Variants in SUFU observed in about 807,000 individuals in gnomAD.
The protein encoded by SUFU is suppressor of fused homolog.
In SUFU, 7 loss-of-function variants were observed where a neutral mutation model predicts 58.9. The ratio of observed to expected loss-of-function variants is 0.12; its 90% CI spans 0.07 to 0.22. SUFU has a LOEUF of 0.22. Among genes scored for constraint, SUFU ranks in the 10% least tolerant of loss-of-function variants. The pLI is 1.00. For missense variants in SUFU, 451 were observed against 641.3 expected (o/e 0.70, Z 3.20); for synonymous variants, 232 against 254.8 (o/e 0.91, Z 0.85).
In SUFU at chr10:102,513,787, A is replaced by G. The variant is rs566144639; in HGVS notation, c.317+4484A>G. Among the ~76,000 whole-genome samples the G allele has an allele frequency of 2.6e-5, 4 of 152,350 alleles. No homozygotes were observed. In the South Asian group the frequency reaches 8.3e-4, roughly 32 times the overall value. ...AAAACCTTCTAGCTCAGTATTTCAA[A>G]AACTTCTAGTGCCACTTTCATAATT... On this transcript the variant is annotated intron_variant, in intron 2 of 11. Transcript: ENST00000369902.
At chr10:102,541,142 C>T (rs574887979) in intron 2 of SUFU, among the ~76,000 whole-genome samples, 17 of 152,144 alleles carry the variant, frequency 1.1e-4, no homozygotes, top group Admixed American at 9.2e-4. Flanking sequence ...GCATTTTCTC[C>T]CTCCTCATTG....
Position 102,629,928 on chromosome 10 carries a change from A to T in SUFU, c.1366-138A>T. The T allele has an allele frequency of 1.2e-6, 1 of 831,156 alleles. No individual in the cohort carries two copies. Among genetic ancestry groups the T allele is most frequent in the Non-Finnish European group, 2.1e-6 (1 of 471,140 alleles). 51.5% of individuals were successfully genotyped at this position (831,156 alleles called of 1,614,324 possible). ...GCCCAGCCTGCCACCTGGGTCTAGCATTTGAGAATGAAGCCACGCCTCCCG... is the reference window on the plus strand; with the variant it reads ...GCCCAGCCTGCCACCTGGGTCTAGCTTTTGAGAATGAAGCCACGCCTCCCG... On this transcript the variant is annotated intron_variant, in intron 11 of 11. Coordinates refer to ENST00000369902, the MANE Select transcript of SUFU (RefSeq NM_016169.4). This position sits in a 1 kb window ranked among gnomAD's most constrained non-coding sequence, Gnocchi z 4.7.
chr10:102,549,469 T>G (rs1339947653), intron 2 of SUFU, among the ~76,000 whole-genome samples: 4 of 152,166 alleles, frequency 2.6e-5, no homozygotes, highest in Non-Finnish European at 5.9e-5. Context: ...GTTCCTCCCT[T>G]TACACGTGGA....
At chr10:102,509,331 C>T in intron 2 of SUFU, 28 bp downstream of exon 2, 2 of 1,612,746 alleles carry the variant, frequency 1.2e-6, no homozygotes, top group Non-Finnish European at 1.7e-6. Flanking sequence ...GTTCTTTATC[C>T]AGAGCCTTAT....
chr10:102,534,649 G>A (rs754842645), intron 2 of SUFU, among the ~76,000 whole-genome samples: 1 of 152,248 alleles, frequency 6.6e-6, no homozygotes, highest in Non-Finnish European at 1.5e-5. Context: ...GCTTGGGCCA[G>A]CACTGAAGGT....
At chr10:102,608,876 C>G (rs1212136866) in intron 8 of SUFU, among the ~76,000 whole-genome samples, 1 of 152,206 alleles carries the variant, frequency 6.6e-6, no homozygotes, top group African/African-American at 2.4e-5. Context: ...CATATTCCAT[C>G]CACCTTTGCC....
At chr10:102,555,321 CTTT>C (rs201258969) in intron 3 of SUFU, among the ~76,000 whole-genome samples, 3 of 124,084 alleles carry the variant, frequency 2.4e-5, no homozygotes, top group Admixed American at 8.1e-5. Context: ...ACACCTTGGT[CTTT>C]TTTTTTTTTT....
At chr10:102,523,832 C>A (rs2135674195) in intron 2 of SUFU, among the ~76,000 whole-genome samples, 1 of 152,374 alleles carries the variant, frequency 6.6e-6, no homozygotes, top group East Asian at 1.9e-4. Flanking sequence ...GGCTTCATGT[C>A]TCACTTGAGT....
In SUFU at chr10:102,619,697, C is replaced by T. The variant is rs969926663; in HGVS notation, c.1296+2269C>T. ...AGCCCTCCTCCCCCTGCCAGGCAGTCAGCACTTTCTCCCTCTGACTGCCAG... is the reference window on the plus strand; with the variant it reads ...AGCCCTCCTCCCCCTGCCAGGCAGTTAGCACTTTCTCCCTCTGACTGCCAG... On this transcript the variant is annotated intron_variant, in intron 10 of 11. Coordinates refer to ENST00000369902, the MANE Select transcript of SUFU (RefSeq NM_016169.4). The surrounding 1 kb of genome is among the most constrained non-coding windows in gnomAD (Gnocchi z 4.2). Among the ~76,000 whole-genome samples, 1 of 152,210 alleles carries T rather than the reference C, an allele frequency of 6.6e-6. No individual in the cohort carries two copies. The highest frequency in any genetic ancestry group is 1.5e-5 in the Non-Finnish European group (1 of 68,026).
Position 102,629,916 on chromosome 10 carries a change from C to T in SUFU, c.1366-150C>T, listed in dbSNP as rs894920003. 45 of 792,468 alleles carry T rather than the reference C, an allele frequency of 5.7e-5. 1 individual carries two copies. The South Asian group carries it at 6.1e-4, about 11-fold the overall frequency. The allele number at this position is 792,468 out of a possible 1,614,324, so 49.1% of individuals were successfully genotyped here. On this transcript the variant is annotated intron_variant, in intron 11 of 11. Transcript: ENST00000369902. This position sits in a 1 kb window ranked among gnomAD's most constrained non-coding sequence, Gnocchi z 4.7. ...CCAGCCGTTTGAGCCCAGCCTGCCA[C>T]CTGGGTCTAGCATTTGAGAATGAAG...
At chr10:102,612,210 C>T (rs1225676258) in intron 8 of SUFU, among the ~76,000 whole-genome samples, 4 of 90,430 alleles carry the variant, frequency 4.4e-5, no homozygotes, top group Non-Finnish European at 9.3e-5. Context: ...TGTGTGTGTG[C>T]ACGCGCATGT....
chr10:102,615,124 T>C lies in SUFU; in HGVS notation c.1023-144T>C, dbSNP rs1054788564. 9.6e-6 allele frequency: 12 copies of C among 1,250,100 alleles called. No individual in the cohort carries two copies. The African/African-American group carries it at 1.6e-4, about 17-fold the overall frequency. 77.4% of individuals were successfully genotyped at this position (1,250,100 alleles called of 1,614,324 possible). On this transcript the variant is annotated intron_variant, in intron 8 of 11. Coordinates refer to ENST00000369902, the MANE Select transcript of SUFU (RefSeq NM_016169.4). ...TGCAGTGGCTGGCGCTCGCCAGGCA[T>C]ATACAGAATGATGGCTGTCACCATC... is the stretch of plus-strand genomic sequence containing the variant.
At chr10:102,588,181 G>A (rs905588904) in intron 3 of SUFU, among the ~76,000 whole-genome samples, 2 of 152,122 alleles carry the variant, frequency 1.3e-5, no homozygotes, top group Non-Finnish European at 2.9e-5. Flanking sequence ...CGGATCACGA[G>A]GTCAGGAGAT....
intron 5 of SUFU, 43 bp downstream of exon 5, chr10:102,593,764 G>A: frequency 6.3e-7 from 1 of 1,595,562 alleles, no homozygotes; most frequent in Non-Finnish European, 8.6e-7. Flanking sequence ...CCTGGGCCTG[G>A]GGGTGGGAGT....
intron 2 of SUFU, among the ~76,000 whole-genome samples, chr10:102,546,218 C>G (rs1406381943): frequency 6.6e-6 from 1 of 152,218 alleles, no homozygotes; most frequent in Non-Finnish European, 1.5e-5. Context: ...CAAAGCCAGC[C>G]TTCCCCCGGA....
chr10:102,610,905 T>C (rs7907417), intron 8 of SUFU, among the ~76,000 whole-genome samples: 82,033 of 152,098 alleles, frequency 0.54, 22,545 homozygotes, highest in Middle Eastern at 0.64. Flanking sequence ...GAGGGAGATT[T>C]CGTTGACAGA....
At chr10:102,582,982 C>T (rs149045673) in intron 3 of SUFU, among the ~76,000 whole-genome samples, 2 of 152,146 alleles carry the variant, frequency 1.3e-5, no homozygotes, top group Non-Finnish European at 2.9e-5. Flanking sequence ...CTCCTGTAAC[C>T]GCTGGACTGA....
rs2135963695 is a variant in SUFU at position 102,632,220 on chromosome 10, T to A, written c.*2065T>A. On this transcript the variant is annotated 3_prime_UTR_variant, in exon 12 of 12. Transcript: ENST00000369902. ...TGTCATTAGTTTGTGAAGCACCTGG[T>A]CAGCAACCTGCCCCAGACCTGGAGG... 1 of 233,280 alleles carries A rather than the reference T, an allele frequency of 4.3e-6. No homozygotes were observed. The highest frequency in any genetic ancestry group is 6.0e-5 in the East Asian group (1 of 16,602). 14.5% of individuals were successfully genotyped at this position (233,280 alleles called of 1,614,324 possible).
intron 10 of SUFU, among the ~76,000 whole-genome samples, chr10:102,624,278 C>G (rs1046407932): frequency 9.2e-5 from 14 of 152,214 alleles, no homozygotes; most frequent in Admixed American, 9.2e-4. Context: ...CTCGGGAGAG[C>G]TCCCAGGAGC....
Sources: allele counts gnomAD v4.1 joint callset (sites outside exome capture counted in the v4.1 genomes callset), GRCh38; gene constraint gnomAD v4.1.1; non-coding constraint Gnocchi (gnomAD v3.1); transcripts MANE v1.5; gene names NCBI Gene and HGNC (gene_info 2026-07-23, HGNC 2026-07-21).